The following ZNF827 variants were observed in gnomAD, a reference collection of about 807,000 sequenced individuals.
ZNF827 encodes the protein zinc finger protein 827.
ZNF827 carries 13 observed loss-of-function variants against 102.4 expected under a neutral mutation model. The observed-to-expected ratio is 0.13, with a 90% CI of 0.08 to 0.20. ZNF827 has a LOEUF of 0.20. ZNF827 is among the 10% of genes least tolerant of loss of function. ZNF827 has a pLI of 1.00. For missense variants in ZNF827, 1,103 were observed against 1,344.4 expected (o/e 0.82, Z 2.81); for synonymous variants, 523 against 536.2 (o/e 0.98, Z 0.34).
chr4:145,900,121 T>C (rs1751299735), intron 2 of ZNF827, among the ~76,000 whole-genome samples: 1 of 152,218 alleles, frequency 6.6e-6, no homozygotes, highest in African/African-American at 2.4e-5. Context: ...TCATGACCTC[T>C]TTCTCATCTT....
Position 145,870,352 on chromosome 4 carries a change from G to A in ZNF827, c.1874C>T (p.Ala625Val). ...TAGTGCGTCCTCAGAGACGCCTGGG[G>A]CTGACACTTCAGATTCCGGGCTGAA... ...YVFSPESEVS[A>V]PGVSEDALKP... Residue 625 changes from alanine to valine, a missense_variant, in exon 5 of 15, where the codon GCC (alanine) becomes GTC (valine). Ala to Val is a moderately conservative substitution (Grantham distance 64). Transcript: ENST00000508784. 3 of 1,614,158 alleles carry A rather than the reference G, an allele frequency of 1.9e-6. No homozygotes were observed. The highest frequency in any genetic ancestry group is 8.5e-7 in the Non-Finnish European group (1 of 1,180,010).
chr4:145,771,327 A>C (rs78116824), intron 11 of ZNF827, among the ~76,000 whole-genome samples: 7,301 of 152,228 alleles, frequency 0.048, 572 homozygotes, highest in African/African-American at 0.17. Flanking sequence ...AAATCCTTCT[A>C]GCTCTGGAAG....
In ZNF827 at chr4:145,930,839, G is replaced by C. The variant is rs184414525; in HGVS notation, c.43+7526C>G. On this transcript the variant is annotated intron_variant, in intron 1 of 14. Transcript: ENST00000508784. ...CAGTGCAGCCTCTCTGTGTGTGTGC[G>C]TGTGTGTGTGTGTGCGCGCGCATGT... is the stretch of plus-strand genomic sequence containing the variant. Among the ~76,000 whole-genome samples the C allele has an allele frequency of 1.7e-3, 251 of 150,592 alleles. 1 individual carries two copies. The highest frequency in any genetic ancestry group is 4.0e-3 in the South Asian group (19 of 4,776).
intron 1 of ZNF827, among the ~76,000 whole-genome samples, chr4:145,914,898 C>G (rs913056664): frequency 6.6e-6 from 1 of 152,204 alleles, no homozygotes; most frequent in African/African-American, 2.4e-5. Flanking sequence ...TTGTCACCAG[C>G]AGGGATGCTC....
rs764132466 is a variant in ZNF827, at chr4:145,846,016, G to A, written c.2222-3C>T. 6.2e-7 allele frequency: 1 copy of A among 1,614,158 alleles called. No homozygotes were observed. The highest frequency in any genetic ancestry group is 1.1e-5 in the South Asian group (1 of 91,090). ...ATTGTGCTCTTTGCTCACTTTTTCT[G>A]TAAGGAGAAAGAATGAAACATACAC... is the stretch of plus-strand genomic sequence containing the variant. On this transcript the variant is annotated splice_polypyrimidine_tract_variant and splice_region_variant and intron_variant, in intron 6 of 14. Transcript: ENST00000508784.
At chr4:145,840,015 A>G (rs62345825) in intron 7 of ZNF827, among the ~76,000 whole-genome samples, 6,950 of 152,302 alleles carry the variant, frequency 0.046, 200 homozygotes, top group Non-Finnish European at 0.052. Flanking sequence ...AATGGTAGAG[A>G]GCAAATATCT....
intron 8 of ZNF827, among the ~76,000 whole-genome samples, chr4:145,807,042 A>G (rs1741519205): frequency 6.6e-6 from 1 of 152,218 alleles, no homozygotes; most frequent in Non-Finnish European, 1.5e-5. Flanking sequence ...CTGTGATCAT[A>G]GTCGTATTTC....
intron 7 of ZNF827, among the ~76,000 whole-genome samples, chr4:145,824,889 A>G (rs753920136): frequency 9.8e-5 from 15 of 152,286 alleles, no homozygotes; most frequent in Non-Finnish European, 1.9e-4. Flanking sequence ...CTTTCTTTAA[A>G]GTAAAACATA....
At chr4:145,860,990 T>A (rs1747668518) in intron 5 of ZNF827, among the ~76,000 whole-genome samples, 1 of 152,226 alleles carries the variant, frequency 6.6e-6, no homozygotes, top group Non-Finnish European at 1.5e-5. Flanking sequence ...ACAGATGCGC[T>A]GAGTAGCCCC....
At chr4:145,888,459 A>G (rs895228904) in intron 3 of ZNF827, among the ~76,000 whole-genome samples, 1 of 152,112 alleles carries the variant, frequency 6.6e-6, no homozygotes, top group Non-Finnish European at 1.5e-5. Context: ...CACACAAACA[A>G]CCCATATCAG....
intron 7 of ZNF827, among the ~76,000 whole-genome samples, chr4:145,842,778 T>C (rs1745541683): frequency 1.3e-5 from 2 of 152,208 alleles, no homozygotes; most frequent in Non-Finnish European, 1.5e-5. Context: ...ACCTTAAATA[T>C]ACCTAGCTAT....
At chr4:145,822,259 T>C (rs1040061056) in intron 8 of ZNF827, among the ~76,000 whole-genome samples, 3 of 152,212 alleles carry the variant, frequency 2.0e-5, no homozygotes, top group Admixed American at 6.5e-5. Context: ...CTGGATTCTT[T>C]GGCTGAATGT....
At chr4:145,771,741 T>C (rs572381900) in intron 11 of ZNF827, among the ~76,000 whole-genome samples, 54 of 152,248 alleles carry the variant, frequency 3.5e-4, no homozygotes, top group African/African-American at 1.3e-3. Context: ...AAAGCATGGG[T>C]TCTGTAGGAG....
chr4:145,861,042 G>A (rs1029344053), intron 5 of ZNF827, among the ~76,000 whole-genome samples: 8 of 152,156 alleles, frequency 5.3e-5, no homozygotes, highest in Non-Finnish European at 8.8e-5. Context: ...TGGGTGACCC[G>A]GCCTCTTGGC....
intron 1 of ZNF827, among the ~76,000 whole-genome samples, chr4:145,912,557 G>A (rs1384854693): frequency 6.6e-6 from 1 of 152,174 alleles, no homozygotes; most frequent in African/African-American, 2.4e-5. Context: ...GACCTTATTG[G>A]GAAATAGGCT....
At chr4:145,878,415 A>G (rs190536453) in intron 4 of ZNF827, among the ~76,000 whole-genome samples, 5 of 152,202 alleles carry the variant, frequency 3.3e-5, no homozygotes, top group African/African-American at 1.2e-4. Flanking sequence ...TACTGAGCAG[A>G]AAGGAGCTAG....
At chr4:145,854,464 G>T (rs1746868853) in intron 5 of ZNF827, among the ~76,000 whole-genome samples, 1 of 152,088 alleles carries the variant, frequency 6.6e-6, no homozygotes, top group African/African-American at 2.4e-5. Context: ...CACCTGGTGT[G>T]GTGGCATGGA....
intron 5 of ZNF827, 100 bp from the exon 6 acceptor site, chr4:145,849,661 A>G: frequency 6.4e-7 from 1 of 1,554,862 alleles, no homozygotes; most frequent in Non-Finnish European, 8.7e-7. Flanking sequence ...AGATTGTGGC[A>G]GGGAAGAGAA....
At chr4:145,934,831 C>T (rs1754045378) in intron 1 of ZNF827, among the ~76,000 whole-genome samples, 1 of 152,202 alleles carries the variant, frequency 6.6e-6, no homozygotes, top group Non-Finnish European at 1.5e-5. Context: ...GGTGCAGACA[C>T]AGGGAGAGAC....
Sources: allele counts gnomAD v4.1 joint callset (sites outside exome capture counted in the v4.1 genomes callset), GRCh38; gene constraint gnomAD v4.1.1; transcripts MANE v1.5; gene names NCBI Gene and HGNC (gene_info 2026-07-23, HGNC 2026-07-21).